Variants in BBX observed in about 807,000 individuals in gnomAD.
The protein encoded by BBX is HMG box transcription factor BBX.
In BBX, 30 loss-of-function variants were observed where a neutral mutation model predicts 100.2. That is an observed-to-expected ratio of 0.30 (90% CI 0.22 to 0.41). The LOEUF is 0.41. Ranked by LOEUF, BBX falls within the 10% of genes least tolerant of loss-of-function variation. The pLI is 1.00. For synonymous variants in BBX, 376 were observed against 388.1 expected (o/e 0.97, Z 0.37); for missense variants, 1,023 against 1,129.8 (o/e 0.91, Z 1.35).
chr3:107,764,984 A>G (rs2066262598), intron 10 of BBX, among the ~76,000 whole-genome samples: 1 of 152,188 alleles, frequency 6.6e-6, no homozygotes, highest in South Asian at 2.1e-4. Flanking sequence ...GCTTTCCTAC[A>G]TGTTTCTTAG....
intron 3 of BBX, among the ~76,000 whole-genome samples, chr3:107,667,871 G>A (rs1472209984): frequency 6.6e-6 from 1 of 151,956 alleles, no homozygotes. Flanking sequence ...TATTCATTTT[G>A]TCTCGTAGTT....
At position 107,807,586 on chromosome 3, in the gene BBX, A is replaced by G. The variant is rs1243640624; in HGVS notation, c.*2129A>G. 6.6e-6 allele frequency: 1 copy of G among 152,148 alleles called. No individual in the cohort carries two copies. Among genetic ancestry groups the G allele is most frequent in the Non-Finnish European group, 1.5e-5 (1 of 68,026 alleles). The allele number at this position is 152,148 out of a possible 1,614,324, so 9.4% of individuals were successfully genotyped here. On this transcript the variant is annotated 3_prime_UTR_variant, in exon 18 of 18. Transcript: ENST00000325805. ...GAACATGCACCTTGACAATGGTACT[A>G]ACTTGTTATTCTATAGAACACGTTA... is the stretch of plus-strand genomic sequence containing the variant.
At position 107,523,056 on chromosome 3, in the gene BBX, G is replaced by C. The variant is rs2047471127; in HGVS notation, c.-207G>C. ...ACTTTCCCATAGAGAAACCCTGACT[G>C]GCCGCTGAGGGCTAGCTACACACAC... On this transcript the variant is annotated 5_prime_UTR_variant, in exon 1 of 18. Transcript: ENST00000325805. 1 of 154,620 alleles carries C rather than the reference G, an allele frequency of 6.5e-6. No individual in the cohort carries two copies. The highest frequency in any genetic ancestry group is 6.5e-5 in the Admixed American group (1 of 15,302). The allele number at this position is 154,620 out of a possible 1,614,324, so 9.6% of individuals were successfully genotyped here.
chr3:107,585,315 T>C (rs2052750266), intron 2 of BBX, among the ~76,000 whole-genome samples: 1 of 152,144 alleles, frequency 6.6e-6, no homozygotes. Context: ...TGACACATAT[T>C]TTTAAAGTTT....
chr3:107,758,349 C>G (rs1384366410), intron 10 of BBX, among the ~76,000 whole-genome samples: 2 of 152,052 alleles, frequency 1.3e-5, no homozygotes, highest in Non-Finnish European at 2.9e-5. Flanking sequence ...TCGGAATGGC[C>G]CGCTGTACTT....
At chr3:107,630,605 G>C (rs1336107130) in intron 2 of BBX, among the ~76,000 whole-genome samples, 3 of 152,148 alleles carry the variant, frequency 2.0e-5, no homozygotes, top group Non-Finnish European at 4.4e-5. Context: ...AATTCTGACA[G>C]AAAATAGGAT....
At position 107,538,588 on chromosome 3, in the gene BBX, T is replaced by A. The variant is rs560497761; in HGVS notation, c.-84+12190T>A. Reference sequence around the variant, plus strand: ...TTTTCAAATAGAACTATATATATATTTTTTGATATACTATAATTTCAGAAT... The same window carrying A: ...TTTTCAAATAGAACTATATATATATATTTTGATATACTATAATTTCAGAAT... On this transcript the variant is annotated intron_variant, in intron 2 of 17. Transcript: ENST00000325805. Among the ~76,000 whole-genome samples, 18 of 152,232 alleles carry A rather than the reference T, an allele frequency of 1.2e-4. No individual in the cohort carries two copies. The East Asian group carries it at 2.5e-3, about 21-fold the overall frequency.
rs550430480 is a variant in BBX at position 107,755,337 on chromosome 3, A to G, written c.826-261A>G. ...AATGCATTTCTCACTTTAAGGTTAC[A>G]GAGTTAAATTTAAAGCCTAGAATAT... On this transcript the variant is annotated intron_variant, in intron 9 of 17. Transcript: ENST00000325805. Among the ~76,000 whole-genome samples, 145 of 152,324 alleles carry G rather than the reference A, an allele frequency of 9.5e-4. 1 individual carries two copies. The highest frequency in any genetic ancestry group is 1.7e-3 in the Non-Finnish European group (117 of 68,022).
chr3:107,699,529 A>C (rs1366256841), intron 3 of BBX, among the ~76,000 whole-genome samples: 1 of 151,974 alleles, frequency 6.6e-6, no homozygotes, highest in Non-Finnish European at 1.5e-5. Flanking sequence ...TTTGTTGAAA[A>C]TTAAAGTCAG....
chr3:107,710,618 ATAAGG>A lies in BBX; in HGVS notation c.162+1_162+5del, dbSNP rs766579067. 3 of 1,608,948 alleles carry A rather than the reference ATAAGG, an allele frequency of 1.9e-6. No individual in the cohort carries two copies. In the Admixed American group the frequency reaches 5.0e-5, roughly 27 times the overall value. On this transcript the variant is annotated splice_donor_variant and coding_sequence_variant, in exon 4 of 18. Transcript: ENST00000325805. LOFTEE classifies it high-confidence loss of function. ...GAGGAAGACGAAGAGGAGGATATTG[ATAAGG>A]TAAGTCCTATATTTACCATAGAAGT...
At chr3:107,792,514 T>G (rs1000622462) in intron 15 of BBX, among the ~76,000 whole-genome samples, 1 of 152,230 alleles carries the variant, frequency 6.6e-6, no homozygotes, top group Non-Finnish European at 1.5e-5. Flanking sequence ...AACATAAGTA[T>G]TTTTGATTTA....
chr3:107,790,706 C>T (rs557731441), intron 14 of BBX, among the ~76,000 whole-genome samples: 128 of 152,286 alleles, frequency 8.4e-4, no homozygotes, highest in African/African-American at 2.9e-3. Context: ...TCATCCGGTG[C>T]CCATTTGCAT....
chr3:107,528,975 T>C (rs1257240145), intron 2 of BBX, among the ~76,000 whole-genome samples: 1 of 152,198 alleles, frequency 6.6e-6, no homozygotes, highest in East Asian at 1.9e-4. Context: ...ATTACTTTTA[T>C]ATTAGAAATC....
intron 2 of BBX, among the ~76,000 whole-genome samples, chr3:107,611,495 A>G (rs2054845234): frequency 6.6e-6 from 1 of 152,136 alleles, no homozygotes; most frequent in Admixed American, 6.5e-5. Context: ...GATTATTTTC[A>G]CCAGATATAC....
At chr3:107,758,566 A>G (rs1204362474) in intron 10 of BBX, among the ~76,000 whole-genome samples, 1 of 152,058 alleles carries the variant, frequency 6.6e-6, no homozygotes, top group Non-Finnish European at 1.5e-5. Flanking sequence ...AGTGATACTC[A>G]ACTGGTTTGC....
intron 3 of BBX, among the ~76,000 whole-genome samples, chr3:107,665,759 C>A (rs966903304): frequency 3.3e-5 from 5 of 152,164 alleles, no homozygotes; most frequent in Non-Finnish European, 5.9e-5. Context: ...GCAACTCGTC[C>A]TTACCTTTGT....
intron 16 of BBX, among the ~76,000 whole-genome samples, chr3:107,799,391 G>C (rs1322695441): frequency 2.6e-5 from 4 of 152,084 alleles, no homozygotes; most frequent in Admixed American, 2.6e-4. Context: ...GCTTTCTACA[G>C]ACCTCCAAAC....
chr3:107,526,893 G>A (rs1244281956), intron 2 of BBX: 3 of 152,180 alleles, frequency 2.0e-5, no homozygotes, highest in African/African-American at 7.2e-5. Context: ...GGGAAAGGTG[G>A]GATTGGCAGT....
chr3:107,568,352 C>T (rs1419542852), intron 2 of BBX, among the ~76,000 whole-genome samples: 2 of 151,154 alleles, frequency 1.3e-5, no homozygotes, highest in African/African-American at 4.9e-5. Context: ...GCAACCTCCA[C>T]CTCCCAGATT....
Sources: gnomAD v4.1 joint callset for allele counts (sites outside exome capture counted in the v4.1 genomes callset) on GRCh38, gnomAD v4.1.1 for gene constraint, MANE v1.5 for transcripts, NCBI Gene and HGNC (gene_info 2026-07-23, HGNC 2026-07-21) for gene names.